The following GRIK4 variants were observed in gnomAD, a reference collection of about 807,000 sequenced individuals.
GRIK4 encodes glutamate ionotropic receptor kainate type subunit 4.
In GRIK4, 40 loss-of-function variants were observed where a neutral mutation model predicts 104.9. That is an observed-to-expected ratio of 0.38 (90% CI 0.30 to 0.50). The LOEUF is 0.50. Ranked by LOEUF, GRIK4 falls within the 20% of genes least tolerant of loss-of-function variation. The pLI, the probability that GRIK4 is intolerant of heterozygous loss-of-function variation, is 0.93. For synonymous variants in GRIK4, 485 were observed against 524.9 expected (o/e 0.92, Z 1.04); for missense variants, 1,047 against 1,308.1 (o/e 0.80, Z 3.08).
At chr11:120,752,491 G>A (rs1951573768) in intron 3 of GRIK4, among the ~76,000 whole-genome samples, 3 of 152,188 alleles carry the variant, frequency 2.0e-5, no homozygotes, top group East Asian at 3.9e-4. Context: ...CCCAGCTTGG[G>A]TGGGAAATGG....
At chr11:120,949,300 G>A (rs995974158) in intron 14 of GRIK4, among the ~76,000 whole-genome samples, 11 of 152,150 alleles carry the variant, frequency 7.2e-5, no homozygotes, top group South Asian at 2.1e-4. Flanking sequence ...CTCTCCCTCC[G>A]TCTAAGAGCA....
chr11:120,578,664 C>T (rs886242533), intron 1 of GRIK4, among the ~76,000 whole-genome samples: 1 of 152,228 alleles, frequency 6.6e-6, no homozygotes, highest in Non-Finnish European at 1.5e-5. Flanking sequence ...GATTCCGAAT[C>T]CCAACAGCCA....
chr11:120,556,484 C>T (rs1948186998), intron 1 of GRIK4, among the ~76,000 whole-genome samples: 1 of 152,174 alleles, frequency 6.6e-6, no homozygotes, highest in African/African-American at 2.4e-5. Flanking sequence ...GCAGCACCTA[C>T]CTGCCCTCCA....
At chr11:120,593,355 C>T (rs976472013) in intron 1 of GRIK4, among the ~76,000 whole-genome samples, 5 of 152,118 alleles carry the variant, frequency 3.3e-5, no homozygotes, top group African/African-American at 1.2e-4. Flanking sequence ...ATCCACTCAA[C>T]AGCTTGGGGA....
At chr11:120,778,068 T>C (rs1952078204) in intron 3 of GRIK4, among the ~76,000 whole-genome samples, 1 of 152,116 alleles carries the variant, frequency 6.6e-6, no homozygotes, top group African/African-American at 2.4e-5. Context: ...AGACCAGTAC[T>C]AAGTGAGGCA....
chr11:120,749,822 T>A (rs1951515621), intron 3 of GRIK4, among the ~76,000 whole-genome samples: 1 of 152,176 alleles, frequency 6.6e-6, no homozygotes, highest in African/African-American at 2.4e-5. Context: ...CGGGGGGAAG[T>A]TTCAGAATCA....
intron 13 of GRIK4, among the ~76,000 whole-genome samples, chr11:120,937,163 C>T (rs1461228691): frequency 1.3e-5 from 2 of 152,252 alleles, no homozygotes; most frequent in Middle Eastern, 3.4e-3. Flanking sequence ...CTCAGCCTCC[C>T]GAGTAGCTGG....
chr11:120,638,728 C>T (rs527897655), intron 1 of GRIK4, among the ~76,000 whole-genome samples: 1 of 151,622 alleles, frequency 6.6e-6, no homozygotes, highest in African/African-American at 2.4e-5. Context: ...CCGCCCGTCT[C>T]GGCCTCCCAA....
intron 1 of GRIK4, among the ~76,000 whole-genome samples, chr11:120,580,908 T>C (rs1470701272): frequency 6.6e-6 from 1 of 152,216 alleles, no homozygotes; most frequent in Admixed American, 6.5e-5. Flanking sequence ...TCCAGTTGCT[T>C]TGCATCCTCA....
At chr11:120,682,193 C>G (rs932662789) in intron 3 of GRIK4, among the ~76,000 whole-genome samples, 2 of 152,186 alleles carry the variant, frequency 1.3e-5, no homozygotes, top group Non-Finnish European at 2.9e-5. Context: ...AAATGCAAAT[C>G]CTGGTGTCTC....
In GRIK4 at chr11:120,633,213, A is replaced by G. The variant is rs142780591; in HGVS notation, c.-158-20472A>G. On this transcript the variant is annotated intron_variant, in intron 1 of 20. Coordinates refer to ENST00000527524, the MANE Select transcript of GRIK4 (RefSeq NM_014619.5). The stretch of plus-strand genomic sequence containing the variant: ...GGAGCTTCGTTTAAGATGAAGTGCC[A>G]ATGGCAAGGTAATTATCATTTTGGG... Among the ~76,000 whole-genome samples the G allele has an allele frequency of 4.1e-4, 62 of 152,278 alleles. 1 individual carries two copies. The East Asian group carries it at 0.011, about 27-fold the overall frequency.
chr11:120,755,831 C>T (rs1234818183), intron 3 of GRIK4, among the ~76,000 whole-genome samples: 1 of 152,092 alleles, frequency 6.6e-6, no homozygotes, highest in Non-Finnish European at 1.5e-5. Context: ...TCTGCTGCTC[C>T]TGGAAGAGTC....
At chr11:120,689,943 T>A (rs901134381) in intron 3 of GRIK4, among the ~76,000 whole-genome samples, 3 of 152,236 alleles carry the variant, frequency 2.0e-5, no homozygotes, top group Non-Finnish European at 4.4e-5. Flanking sequence ...ATTGATCGAA[T>A]GAGTAAATGA....
At chr11:120,755,665 A>AATAAT (rs1565334168) in intron 3 of GRIK4, among the ~76,000 whole-genome samples, 156 of 150,598 alleles carry the variant, frequency 1.0e-3, no homozygotes, top group African/African-American at 3.7e-3. Context: ...ATAATAATAA[A>AATAAT]AATAATTTAC....
At chr11:120,921,316 A>G (rs539945069) in intron 13 of GRIK4, among the ~76,000 whole-genome samples, 1 of 152,356 alleles carries the variant, frequency 6.6e-6, no homozygotes, top group East Asian at 1.9e-4. Flanking sequence ...CATTCAGAAC[A>G]GGCTCTGGCA....
chr11:120,677,325 G>T (rs891783229), intron 3 of GRIK4, among the ~76,000 whole-genome samples: 7 of 152,324 alleles, frequency 4.6e-5, no homozygotes, highest in African/African-American at 1.7e-4. Flanking sequence ...CTGCCATGGG[G>T]TCTAGAGAGA....
chr11:120,929,985 C>T (rs1943447163), intron 13 of GRIK4, among the ~76,000 whole-genome samples: 1 of 137,598 alleles, frequency 7.3e-6, no homozygotes, highest in South Asian at 2.6e-4. Flanking sequence ...AGAAGGGGCT[C>T]GAGGGCAGGC....
At chr11:120,774,638 C>A (rs1952006732) in intron 3 of GRIK4, among the ~76,000 whole-genome samples, 1 of 152,120 alleles carries the variant, frequency 6.6e-6, no homozygotes, top group South Asian at 2.1e-4. Flanking sequence ...ATAAAAAATA[C>A]CTTCATCTAG....
At chr11:120,603,866 C>A (rs1335075899) in intron 1 of GRIK4, among the ~76,000 whole-genome samples, 1 of 152,114 alleles carries the variant, frequency 6.6e-6, no homozygotes, top group Non-Finnish European at 1.5e-5. Context: ...GGCAGCCCTG[C>A]CACAAAGAAT....
Sources: allele counts gnomAD v4.1 joint callset (sites outside exome capture counted in the v4.1 genomes callset), GRCh38; gene constraint gnomAD v4.1.1; transcripts MANE v1.5; gene names NCBI Gene and HGNC (gene_info 2026-07-23, HGNC 2026-07-21).